The following SIRPG variants were observed in gnomAD, a reference collection of about 807,000 sequenced individuals.
SIRPG encodes signal regulatory protein gamma.
Under a neutral mutation model 35.7 loss-of-function variants are expected in SIRPG, and 38 were observed. The observed-to-expected ratio is 1.06, with a 90% CI of 0.82 to 1.40. The LOEUF (loss-of-function observed/expected upper bound fraction) is 1.40, where lower values mean the gene tolerates loss of function less well. Ranked by LOEUF, SIRPG falls within the 40% of genes most tolerant of loss-of-function variation. SIRPG has a pLI of 0.00. For missense variants in SIRPG, 519 were observed against 483.0 expected (o/e 1.07, Z -0.70); for synonymous variants, 215 against 190.4 (o/e 1.13, Z -1.06).
intron 2 of SIRPG, chr20:1,646,121 C>T (rs2091895513): frequency 6.6e-6 from 1 of 152,230 alleles, no homozygotes; most frequent in African/African-American, 2.4e-5. Flanking sequence ...CCATGTGTCC[C>T]AGTGGGCACC....
At position 1,634,960 on chromosome 20, in the gene SIRPG, G is replaced by A. The variant is rs111692190; in HGVS notation, c.1081+307C>T. On this transcript the variant is annotated intron_variant, in intron 4 of 5. Coordinates refer to ENST00000303415, the MANE Select transcript of SIRPG (RefSeq NM_018556.4). ...CGGGAGGCTGAGACAGGAGAATGGCGTGAACCCGGGAGGCGGAGCTTGCGG... is the reference window on the plus strand; with the variant it reads ...CGGGAGGCTGAGACAGGAGAATGGCATGAACCCGGGAGGCGGAGCTTGCGG... 6.1e-3 allele frequency among the ~76,000 whole-genome samples: 920 copies of A among 151,784 alleles called. 14 individuals are homozygous for A. Among genetic ancestry groups the A allele is most frequent in the African/African-American group, 0.021 (872 of 41,412 alleles).
the SIRPG span, chr20:1,670,060 C>T: frequency 3.1e-5 from 8 of 257,222 alleles, no homozygotes; most frequent in Non-Finnish European, 1.7e-5. Context: ...GCCAGCTTGT[C>T]CAGTCGTAGG....
At chr20:1,648,937 G>A (rs964962611) in intron 2 of SIRPG, 115 bp downstream of exon 2, 7 of 971,354 alleles carry the variant, frequency 7.2e-6, no homozygotes, top group Admixed American at 2.0e-5. Context: ...GGTGACAACA[G>A]GTCTTGAAAA....
rs1386402982 is a variant in SIRPG, at chr20:1,650,815, T to C, written c.74-1407A>G. On this transcript the variant is annotated intron_variant, in intron 1 of 5. Coordinates refer to ENST00000303415, the MANE Select transcript of SIRPG (RefSeq NM_018556.4). ...CTGAGACCCACACTAAGGTACATTA[T>C]AATTCAACTGTCAAAAACTAAATTC... is the stretch of plus-strand genomic sequence containing the variant. Among the ~76,000 whole-genome samples the C allele has an allele frequency of 7.9e-5, 12 of 152,362 alleles. No homozygotes were observed. In the East Asian group the frequency reaches 2.3e-3, roughly 29 times the overall value.
intron 2 of SIRPG, 129 bp downstream of exon 2, chr20:1,648,923 A>G: frequency 1.2e-6 from 1 of 845,156 alleles, no homozygotes; most frequent in African/African-American, 1.7e-5. Context: ...GATCTGTAGA[A>G]GGGGGTGACA....
chr20:1,636,622 G>T, intron 2 of SIRPG, 117 bp from the exon 3 acceptor site: 1 of 1,136,280 alleles, frequency 8.8e-7, no homozygotes. Flanking sequence ...CTAATAATGT[G>T]GAGAGGATGG....
the SIRPG span, among the ~76,000 whole-genome samples, chr20:1,672,897 T>A: frequency 5.9e-3 from 891 of 152,184 alleles, 7 homozygotes; most frequent in African/African-American, 0.018. Flanking sequence ...GTGGTTAATG[T>A]TTTCATCATT....
upstream of SIRPG, among the ~76,000 whole-genome samples, chr20:1,658,100 C>G (rs1244998391): frequency 6.6e-6 from 1 of 152,096 alleles, no homozygotes; most frequent in Admixed American, 6.6e-5. Flanking sequence ...ATTTCAAGAC[C>G]CTAGGATGTG....
the SIRPG span, among the ~76,000 whole-genome samples, chr20:1,673,282 C>T: frequency 6.6e-6 from 1 of 152,118 alleles, no homozygotes; most frequent in Non-Finnish European, 1.5e-5. Context: ...TGCCTGCTCC[C>T]TCTATACCTC....
chr20:1,630,793 T>C (rs936013825), intron 4 of SIRPG: 1 of 154,690 alleles, frequency 6.5e-6, no homozygotes, highest in Non-Finnish European at 1.4e-5. Flanking sequence ...TTAATGACTA[T>C]AAAAGGGTAG....
intron 1 of SIRPG, among the ~76,000 whole-genome samples, chr20:1,657,438 G>A (rs2091981925): frequency 6.6e-6 from 1 of 152,160 alleles, no homozygotes; most frequent in African/African-American, 2.4e-5. Context: ...GGTGGCAGAA[G>A]CCTCACAAGG....
At chr20:1,684,002 G>C in the SIRPG span, among the ~76,000 whole-genome samples, 1 of 151,998 alleles carries the variant, frequency 6.6e-6, no homozygotes, top group Non-Finnish European at 1.5e-5. Flanking sequence ...CTAGAGTGGT[G>C]GTTACCAGGG....
At chr20:1,633,175 A>T (rs777532847) in intron 4 of SIRPG, among the ~76,000 whole-genome samples, 1 of 152,224 alleles carries the variant, frequency 6.6e-6, no homozygotes, top group Non-Finnish European at 1.5e-5. Flanking sequence ...TTCAAAAGGC[A>T]CGAGTTACCG....
Position 1,649,322 on chromosome 20 carries a change from T to A in SIRPG, c.160A>T (p.Thr54Ser). 1 of 1,614,156 alleles carries A rather than the reference T, an allele frequency of 6.2e-7. No homozygotes were observed. Among genetic ancestry groups the A allele is most frequent in the Non-Finnish European group, 8.5e-7 (1 of 1,180,024 alleles). ...TVGKTATLHC[T>S]VTSLLPVGPV... ...CCCACGGGAAGCAGGGAGGTCACAG[T>A]GCAGTGCAGAGTGGCTGTCTTTCCA... is the stretch of plus-strand genomic sequence containing the variant. Residue 54 changes from threonine to serine, a missense_variant, in exon 2 of 6, where the codon ACT becomes TCT. Thr to Ser is a moderately conservative substitution (Grantham distance 58). Transcript: ENST00000303415.
At chr20:1,642,433 C>T (rs958880670) in intron 2 of SIRPG, among the ~76,000 whole-genome samples, 1 of 152,198 alleles carries the variant, frequency 6.6e-6, no homozygotes, top group Admixed American at 6.5e-5. Context: ...AAATTTTCCT[C>T]CATCCGTTTG....
At chr20:1,684,685 T>C in the SIRPG span, among the ~76,000 whole-genome samples, 84 of 152,208 alleles carry the variant, frequency 5.5e-4, 1 homozygote, top group Non-Finnish European at 5.9e-5. Flanking sequence ...TTTCTACAAG[T>C]AGCATAACAT....
chr20:1,650,321 T>A lies in SIRPG; in HGVS notation c.74-913A>T, dbSNP rs547388293. On this transcript the variant is annotated intron_variant, in intron 1 of 5. Transcript: ENST00000303415. The stretch of plus-strand genomic sequence containing the variant: ...ATTAAAACCACTGTCTTAAAAATGC[T>A]CAAGGAAGTAAAGGAAAAAATGGAC... 2.9e-4 allele frequency among the ~76,000 whole-genome samples: 44 copies of A among 151,944 alleles called. 1 individual carries two copies. The highest frequency in any genetic ancestry group is 1.7e-3 in the South Asian group (8 of 4,816).
the SIRPG span, among the ~76,000 whole-genome samples, chr20:1,670,586 C>T: frequency 1.6e-4 from 25 of 152,126 alleles, no homozygotes; most frequent in Non-Finnish European, 2.9e-4. Context: ...GCTCATTAAT[C>T]GTAGTTGCTC....
chr20:1,663,261 C>G, the SIRPG span, among the ~76,000 whole-genome samples: 1 of 152,174 alleles, frequency 6.6e-6, no homozygotes, highest in African/African-American at 2.4e-5. Context: ...TGCAGTCAGC[C>G]GAGATCGTGC....
Sources: allele counts gnomAD v4.1 joint callset (sites outside exome capture counted in the v4.1 genomes callset), GRCh38; gene constraint gnomAD v4.1.1; transcripts MANE v1.5; gene names NCBI Gene and HGNC (gene_info 2026-07-23, HGNC 2026-07-21).